The following ASZ1 variants were observed in gnomAD, a reference collection of about 807,000 sequenced individuals.
ASZ1 encodes the protein ankyrin repeat, SAM and basic leucine zipper domain-containing protein 1.
A neutral mutation model predicts 61.8 loss-of-function variants in ASZ1; 67 were observed. The observed-to-expected ratio is 1.08, with a 90% CI of 0.89 to 1.33. The LOEUF is 1.33. ASZ1 is among the 40% of genes most tolerant of loss of function. The pLI, the probability that ASZ1 is intolerant of heterozygous loss-of-function variation, is 0.00. For synonymous variants in ASZ1, 193 were observed against 192.7 expected, an observed-to-expected ratio of 1.00 and a Z score of -0.01; for missense variants, 577 against 554.5, an observed-to-expected ratio of 1.04 and a Z score of -0.41.
intron 10 of ASZ1, among the ~76,000 whole-genome samples, chr7:117,370,207 A>G (rs1231949991): frequency 2.0e-5 from 3 of 152,206 alleles, no homozygotes; most frequent in Non-Finnish European, 2.9e-5. Flanking sequence ...TCTAACCAAG[A>G]TTCAGTCTTT....
intron 11 of ASZ1, 50 bp downstream of exon 11, chr7:117,368,562 T>C: frequency 6.3e-7 from 1 of 1,582,278 alleles, no homozygotes; most frequent in Non-Finnish European, 8.6e-7. Context: ...TTATCTGGAA[T>C]GTTCTTCAGT....
intron 6 of ASZ1, among the ~76,000 whole-genome samples, chr7:117,384,234 A>G (rs1176198918): frequency 6.6e-6 from 1 of 152,114 alleles, no homozygotes; most frequent in Non-Finnish European, 1.5e-5. Context: ...TAACATCTGA[A>G]TGACAGATTA....
chr7:117,409,203 T>C (rs1295483264), intron 4 of ASZ1, among the ~76,000 whole-genome samples: 2 of 152,022 alleles, frequency 1.3e-5, no homozygotes, highest in East Asian at 1.9e-4. Context: ...TATTATTTTA[T>C]TTAAAACATA....
intron 11 of ASZ1, 118 bp from the exon 12 acceptor site, chr7:117,367,583 T>G: frequency 1.7e-6 from 2 of 1,191,614 alleles, no homozygotes; most frequent in Non-Finnish European, 2.1e-6. Flanking sequence ...AAGGCATTTT[T>G]TTGTTTAGGA....
At chr7:117,426,794 TAAGAC>T (rs750851295) in intron 2 of ASZ1, 37 bp downstream of exon 2, 3 of 1,511,424 alleles carry the variant, frequency 2.0e-6, no homozygotes, top group Middle Eastern at 1.7e-4. Context: ...CTTGCGAACT[TAAGAC>T]AGCTGTGTTC....
rs78069886 is a variant in ASZ1, at chr7:117,384,983, T to G, written c.553-123A>C. The G allele has an allele frequency of 5.0e-4, 425 of 853,482 alleles. 1 individual carries two copies. In the African/African-American group the frequency reaches 6.7e-3, roughly 13 times the overall value. The allele number at this position is 853,482 out of a possible 1,614,324, so 52.9% of individuals were successfully genotyped here. ...AGAACATAGTTAATTAATGGAATGA[T>G]GCAATCTCTTCATTTTACAATATAA... On this transcript the variant is annotated intron_variant, in intron 5 of 12. Transcript: ENST00000284629.
intron 12 of ASZ1, among the ~76,000 whole-genome samples, chr7:117,364,833 A>G (rs544421651): frequency 3.3e-5 from 5 of 152,218 alleles, no homozygotes; most frequent in African/African-American, 4.8e-5. Flanking sequence ...CATTTACTGA[A>G]TCCTGAGACA....
At chr7:117,401,980 G>GT (rs1047900247) in intron 4 of ASZ1, among the ~76,000 whole-genome samples, 2 of 152,026 alleles carry the variant, frequency 1.3e-5, no homozygotes, top group East Asian at 1.9e-4. Context: ...TTTTTATCAT[G>GT]TTTTTTTTGA....
chr7:117,368,459 TAAAC>T (rs1795985972), intron 11 of ASZ1, 149 bp downstream of exon 11: 1 of 1,380,340 alleles, frequency 7.2e-7, no homozygotes. Context: ...GGAGTAATAT[TAAAC>T]AAATTGACTT....
Position 117,420,262 on chromosome 7 carries a change from A to T in ASZ1, c.341T>A (p.Ile114Asn), listed in dbSNP as rs1245917501. The change falls in exon 4 of 13, where the codon ATT (isoleucine) becomes AAT (asparagine). Residue 114 changes from isoleucine to asparagine, a missense_variant. Ile to Asn is a moderately radical substitution (Grantham distance 149). Coordinates refer to ENST00000284629, the MANE Select transcript of ASZ1 (RefSeq NM_130768.3). ...NASFEKDKQS[I>N]LITACSAHGS... is the part of the protein sequence containing the mutation. ...ATGAGCAGAACATGCAGTTATCAAA[A>T]TACTTTGCTTATCTATAGTGAATAG... 1 of 1,611,774 alleles carries T rather than the reference A, an allele frequency of 6.2e-7. No individual in the cohort carries two copies. Among genetic ancestry groups the T allele is most frequent in the East Asian group, 2.2e-5 (1 of 44,808 alleles).
intron 2 of ASZ1, among the ~76,000 whole-genome samples, chr7:117,426,208 A>G (rs576078784): frequency 4.0e-5 from 6 of 150,868 alleles, no homozygotes; most frequent in Non-Finnish European, 3.0e-5. Flanking sequence ...CAGGCAGGGC[A>G]CGGTGGCTCA....
At chr7:117,368,474 A>C in intron 11 of ASZ1, 138 bp downstream of exon 11, 1 of 1,418,340 alleles carries the variant, frequency 7.1e-7, no homozygotes, top group Non-Finnish European at 9.2e-7. Flanking sequence ...AAATTGACTT[A>C]TTTAGATCTT....
At chr7:117,410,797 T>C (rs1252436373) in intron 4 of ASZ1, among the ~76,000 whole-genome samples, 2 of 151,738 alleles carry the variant, frequency 1.3e-5, no homozygotes, top group Non-Finnish European at 3.0e-5. Context: ...ATTTCAAATT[T>C]AGAATTTAAA....
At position 117,384,902 on chromosome 7, in the gene ASZ1, T is replaced by C. The variant is rs570935387; in HGVS notation, c.553-42A>G. On this transcript the variant is annotated intron_variant, in intron 5 of 12. Transcript: ENST00000284629. Reference sequence around the variant, plus strand: ...AAGAAGATTGTTTAAAGAGAAGGAGTGTATATGAGACAGACAGGAAAAGTT... The same window carrying C: ...AAGAAGATTGTTTAAAGAGAAGGAGCGTATATGAGACAGACAGGAAAAGTT... 43 of 1,501,250 alleles carry C rather than the reference T, an allele frequency of 2.9e-5. No homozygotes were observed. In the South Asian group the frequency reaches 3.0e-4, roughly 11 times the overall value. The allele number at this position is 1,501,250 out of a possible 1,614,324, so 93.0% of individuals were successfully genotyped here.
chr7:117,413,527 C>T (rs911119226), intron 4 of ASZ1, among the ~76,000 whole-genome samples: 1 of 151,978 alleles, frequency 6.6e-6, no homozygotes, highest in Non-Finnish European at 1.5e-5. Context: ...ATACCGTACA[C>T]TGTGTTAAAT....
At chr7:117,413,566 A>G (rs927500811) in intron 4 of ASZ1, among the ~76,000 whole-genome samples, 5 of 152,090 alleles carry the variant, frequency 3.3e-5, no homozygotes, top group South Asian at 2.1e-4. Flanking sequence ...CAAGAGATGC[A>G]TAAGATGTAA....
chr7:117,407,987 G>A (rs1796820957), intron 4 of ASZ1, among the ~76,000 whole-genome samples: 1 of 152,154 alleles, frequency 6.6e-6, no homozygotes, highest in African/African-American at 2.4e-5. Context: ...GAGAGGGATG[G>A]TGTGAGATTT....
intron 5 of ASZ1, among the ~76,000 whole-genome samples, 198 bp downstream of exon 5, chr7:117,385,500 A>G (rs1796336302): frequency 6.6e-6 from 1 of 151,988 alleles, no homozygotes; most frequent in African/African-American, 2.4e-5. Context: ...ACCTCAAATG[A>G]TCCGCCTGCC....
intron 4 of ASZ1, among the ~76,000 whole-genome samples, chr7:117,394,896 T>C (rs912856770): frequency 6.6e-6 from 1 of 152,238 alleles, no homozygotes; most frequent in Admixed American, 6.5e-5. Context: ...TTTTCATTTC[T>C]ATTGTTATTT....
Sources: allele counts gnomAD v4.1 joint callset (sites outside exome capture counted in the v4.1 genomes callset), GRCh38; gene constraint gnomAD v4.1.1; transcripts MANE v1.5; gene names NCBI Gene and HGNC (gene_info 2026-07-23, HGNC 2026-07-21).